Variants in CYP2C18 observed in about 807,000 individuals in gnomAD.
CYP2C18 encodes the protein cytochrome P450 family 2 subfamily C member 18, also known as cytochrome P450 2C18.
A neutral mutation model predicts 41.3 loss-of-function variants in CYP2C18; 38 were observed. That is an observed-to-expected ratio of 0.92 (90% CI 0.71 to 1.21). The LOEUF is 1.21. Ranked by LOEUF, CYP2C18 falls within the 50% of genes most tolerant of loss-of-function variation. The probability of loss-of-function intolerance (pLI) is 0.00; values close to 1 mark genes in which losing one functional copy is unlikely to be tolerated. For missense variants in CYP2C18, 635 were observed against 591.4 expected (o/e 1.07, Z -0.77); for synonymous variants, 236 against 210.0 (o/e 1.12, Z -1.07).
In CYP2C18 at chr10:94,683,788, C is replaced by G. The variant is rs776481679; in HGVS notation, c.-32C>G. On this transcript the variant is annotated 5_prime_UTR_variant, in exon 1 of 9. Coordinates refer to ENST00000285979, the MANE Select transcript of CYP2C18 (RefSeq NM_000772.3). ...TTATAAAAGCCTTGAAGTGAAAGCC[C>G]GCAGTTGTCTTACTAAGAAGAGAAG... is the stretch of plus-strand genomic sequence containing the variant. 11 of 1,535,546 alleles carry G rather than the reference C, an allele frequency of 7.2e-6. No homozygotes were observed. The highest frequency in any genetic ancestry group is 9.7e-6 in the Non-Finnish European group (11 of 1,139,882).
chr10:94,714,803 T>C (rs1191861508), intron 5 of CYP2C18, among the ~76,000 whole-genome samples: 1 of 152,162 alleles, frequency 6.6e-6, no homozygotes. Flanking sequence ...TTTCTTCCTA[T>C]CCGTAAGCAT....
chr10:94,724,293 A>C, intron 6 of CYP2C18, 53 bp from the exon 7 acceptor site: 1 of 1,581,152 alleles, frequency 6.3e-7, no homozygotes, highest in East Asian at 2.2e-5. Context: ...AATTGCTACA[A>C]CAAATGTGCC....
rs1431070056 is a variant in CYP2C18 at position 94,726,590 on chromosome 10, T to C, written c.1149+2057T>C. ...CATATTTTCTTAATCTAGTCTATCA[T>C]TGATGGACATTTGGGTTGGTTCCAA... On this transcript the variant is annotated intron_variant, in intron 7 of 8. Coordinates refer to ENST00000285979, the MANE Select transcript of CYP2C18 (RefSeq NM_000772.3). Among the ~76,000 whole-genome samples, 4 of 152,148 alleles carry C rather than the reference T, an allele frequency of 2.6e-5. No individual in the cohort carries two copies. In the East Asian group the frequency reaches 7.7e-4, roughly 29 times the overall value.
chr10:94,686,491 C>T (rs1846890025), intron 1 of CYP2C18, among the ~76,000 whole-genome samples: 2 of 152,106 alleles, frequency 1.3e-5, no homozygotes. Context: ...TCTCTTATTT[C>T]TGATCTTAGA....
intron 4 of CYP2C18, among the ~76,000 whole-genome samples, chr10:94,705,441 G>T (rs775229341): frequency 6.6e-6 from 1 of 152,148 alleles, no homozygotes; most frequent in Non-Finnish European, 1.5e-5. Flanking sequence ...GTTTATAGGT[G>T]CAGTAAACCA....
rs936301805 is a variant in CYP2C18, at chr10:94,704,985, A to G, written c.643-1799A>G. ...CTCGTGTTAGCCCGTGTTAGTCCTC[A>G]GACAGGTGAGAAAGAGAAACATAAT... On this transcript the variant is annotated intron_variant, in intron 4 of 8. Coordinates refer to ENST00000285979, the MANE Select transcript of CYP2C18 (RefSeq NM_000772.3). Among the ~76,000 whole-genome samples the G allele has an allele frequency of 3.3e-4, 50 of 152,168 alleles. No homozygotes were observed. The Middle Eastern group carries it at 0.01, about 31-fold the overall frequency.
At chr10:94,703,544 C>A (rs1169885563) in intron 4 of CYP2C18, among the ~76,000 whole-genome samples, 1 of 152,110 alleles carries the variant, frequency 6.6e-6, no homozygotes, top group Non-Finnish European at 1.5e-5. Flanking sequence ...GAGGGGAAAA[C>A]CGCCTACTCA....
At chr10:94,724,209 A>C (rs1204667003) in intron 6 of CYP2C18, 137 bp from the exon 7 acceptor site, 2 of 815,902 alleles carry the variant, frequency 2.5e-6, no homozygotes, top group Non-Finnish European at 4.0e-6. Flanking sequence ...TTTCTTCCCT[A>C]AGTCTAGGTG....
At chr10:94,724,578 C>T (rs1847706225) in intron 7 of CYP2C18, 45 bp downstream of exon 7, 1 of 1,545,720 alleles carries the variant, frequency 6.5e-7, no homozygotes, top group South Asian at 1.1e-5. Context: ...TCTTCAAGTC[C>T]CCAAATTCAT....
At chr10:94,687,738 G>C (rs755878511) in intron 1 of CYP2C18, 32 bp from the exon 2 acceptor site, 1 of 1,587,038 alleles carries the variant, frequency 6.3e-7, no homozygotes, top group South Asian at 1.1e-5. Context: ...ACTGAGTTTT[G>C]CTACTATTTG....
At chr10:94,695,881 A>G (rs1311605190) in intron 4 of CYP2C18, among the ~76,000 whole-genome samples, 2 of 152,136 alleles carry the variant, frequency 1.3e-5, no homozygotes, top group Non-Finnish European at 2.9e-5. Flanking sequence ...AACCTCACTC[A>G]TTGATAGCAC....
chr10:94,718,992 A>T (rs1424158599), intron 5 of CYP2C18, among the ~76,000 whole-genome samples: 1 of 152,008 alleles, frequency 6.6e-6, no homozygotes, highest in East Asian at 1.9e-4. Flanking sequence ...GTCTATGTGG[A>T]TATTTTCTTT....
chr10:94,734,273 C>T lies in CYP2C18; in HGVS notation c.1291+835C>T, dbSNP rs1163904923. ...ATACATCTTGGATATTCAATCTCTA[C>T]AGCTAAAGTGTGTGGTGAGTCTGTG... On this transcript the variant is annotated intron_variant, in intron 8 of 8. Transcript: ENST00000285979. 3.9e-5 allele frequency among the ~76,000 whole-genome samples: 6 copies of T among 152,154 alleles called. No individual in the cohort carries two copies. The East Asian group carries it at 9.6e-4, about 24-fold the overall frequency.
At position 94,720,480 on chromosome 10, in the gene CYP2C18, AC is replaced by A; in HGVS notation, c.905del (p.Thr302ArgfsTer5). 6.2e-7 allele frequency: 1 copy of A among 1,613,536 alleles called. No individual in the cohort carries two copies. The highest frequency in any genetic ancestry group is 8.5e-7 in the Non-Finnish European group (1 of 1,179,632). ...TATGTTTGGGGCTGGAACAGAGACA[AC>A]GAGCACCACTCTGAGATATGGACTC... ...TDMFGAGTETTSTTLRYGLLL... is the reference protein window; with the variant it reads ...TDMFGAGTETXSTTLRYGLLL... On this transcript the variant is annotated frameshift_variant, in exon 6 of 9. Transcript: ENST00000285979. LOFTEE classifies it high-confidence loss of function.
At chr10:94,723,902 T>A (rs1409507849) in intron 6 of CYP2C18, among the ~76,000 whole-genome samples, 1 of 152,146 alleles carries the variant, frequency 6.6e-6, no homozygotes, top group Non-Finnish European at 1.5e-5. Flanking sequence ...AGAATATCAT[T>A]TCAAGTTTCA....
At chr10:94,723,700 G>A (rs928821812) in intron 6 of CYP2C18, among the ~76,000 whole-genome samples, 8 of 152,102 alleles carry the variant, frequency 5.3e-5, no homozygotes, top group Admixed American at 2.0e-4. Context: ...GTTTGTGGGT[G>A]TGTGTCTATT....
intron 3 of CYP2C18, among the ~76,000 whole-genome samples, chr10:94,692,680 C>T (rs1367446047): frequency 6.6e-6 from 1 of 152,052 alleles, no homozygotes; most frequent in African/African-American, 2.4e-5. Flanking sequence ...GGTATATACC[C>T]AAAGGATTAT....
rs1160271311 is a variant in CYP2C18 at position 94,707,024 on chromosome 10, A to G, written c.819+64A>G. 4 of 1,428,544 alleles carry G rather than the reference A, an allele frequency of 2.8e-6. No individual in the cohort carries two copies. In the Admixed American group the frequency reaches 8.3e-5, roughly 30 times the overall value. 88.5% of individuals were successfully genotyped at this position (1,428,544 alleles called of 1,614,324 possible). On this transcript the variant is annotated intron_variant, in intron 5 of 8. Coordinates refer to ENST00000285979, the MANE Select transcript of CYP2C18 (RefSeq NM_000772.3). ...TGATTAGTTCTATAACGATTGCTTA[A>G]ATAGTGAGGCAAGAAACACTTCATG...
At chr10:94,709,326 G>T (rs1437340264) in intron 5 of CYP2C18, among the ~76,000 whole-genome samples, 1 of 152,046 alleles carries the variant, frequency 6.6e-6, no homozygotes, top group Non-Finnish European at 1.5e-5. Context: ...GGGTTGAGGT[G>T]GTTCCATGTG....
Sources: gnomAD v4.1 joint callset for allele counts (sites outside exome capture counted in the v4.1 genomes callset) on GRCh38, gnomAD v4.1.1 for gene constraint, MANE v1.5 for transcripts, NCBI Gene and HGNC (gene_info 2026-07-23, HGNC 2026-07-21) for gene names.